The following CSMD1 variants were observed in gnomAD, a reference collection of about 807,000 sequenced individuals.
CSMD1 encodes the protein CUB and sushi domain-containing protein 1.
Under a neutral mutation model 417.5 loss-of-function variants are expected in CSMD1, and 213 were observed. That is an observed-to-expected ratio of 0.51 (90% CI 0.46 to 0.57). The LOEUF is 0.57. CSMD1 is among the 20% of genes least tolerant of loss of function. CSMD1 has a pLI of 0.00. For missense variants in CSMD1, 6,923 were observed against 4,529.7 expected, an observed-to-expected ratio of 1.53 and a Z score of -15.17; for synonymous variants, 2,862 against 1,736.8, an observed-to-expected ratio of 1.65 and a Z score of -16.11.
At chr8:4,071,662 T>C (rs1040711025) in intron 3 of CSMD1, among the ~76,000 whole-genome samples, 3 of 152,158 alleles carry the variant, frequency 2.0e-5, no homozygotes, top group African/African-American at 4.8e-5. Context: ...GAGTGATTAG[T>C]TGTTGTTTCT....
chr8:4,321,879 T>G (rs1563451246), intron 3 of CSMD1, among the ~76,000 whole-genome samples: 2 of 152,182 alleles, frequency 1.3e-5, no homozygotes, highest in African/African-American at 4.8e-5. Context: ...ATAAATAATA[T>G]ATCATCATTG....
chr8:3,883,259 T>C (rs550081092), intron 5 of CSMD1, among the ~76,000 whole-genome samples: 3 of 152,120 alleles, frequency 2.0e-5, no homozygotes, highest in Admixed American at 6.6e-5. Flanking sequence ...ATATTAAATA[T>C]TGAGATAAAG....
At chr8:4,083,248 T>A (rs1337355460) in intron 3 of CSMD1, among the ~76,000 whole-genome samples, 1 of 152,132 alleles carries the variant, frequency 6.6e-6, no homozygotes, top group African/African-American at 2.4e-5. Flanking sequence ...AAAAGTGTTC[T>A]TATTTCTCCA....
At chr8:4,432,402 T>C (rs907087020) in intron 2 of CSMD1, among the ~76,000 whole-genome samples, 3 of 152,156 alleles carry the variant, frequency 2.0e-5, no homozygotes, top group Non-Finnish European at 2.9e-5. Context: ...GCAGGTTTCA[T>C]GTTATGTTGA....
In CSMD1 at chr8:3,399,372, A is replaced by G. The variant is rs1811898639; in HGVS notation, c.2405+19T>C. ...GACACACACCATTGGGTCCAAATGA[A>G]GACTAATTTTTTTCTTACCTGTCAA... On this transcript the variant is annotated intron_variant, in intron 16 of 69. Transcript: ENST00000635120. 6.3e-7 allele frequency: 1 copy of G among 1,585,374 alleles called. No individual in the cohort carries two copies. The highest frequency in any genetic ancestry group is 8.6e-7 in the Non-Finnish European group (1 of 1,165,640).
intron 1 of CSMD1, among the ~76,000 whole-genome samples, chr8:4,680,909 G>GCACA (rs140395393): frequency 3.4e-4 from 50 of 146,790 alleles, no homozygotes; most frequent in Admixed American, 9.6e-4. Flanking sequence ...GATATGATAA[G>GCACA]CACACACACA....
intron 1 of CSMD1, among the ~76,000 whole-genome samples, chr8:4,911,827 T>C (rs987620852): frequency 1.3e-5 from 2 of 152,160 alleles, no homozygotes; most frequent in African/African-American, 2.4e-5. Context: ...AACTTCACGG[T>C]GTTTTCTCAT....
chr8:4,229,426 C>G (rs766137185), intron 3 of CSMD1, among the ~76,000 whole-genome samples: 2 of 152,206 alleles, frequency 1.3e-5, no homozygotes, highest in African/African-American at 4.8e-5. Flanking sequence ...CACAATCACT[C>G]ATTATCTTTT....
chr8:4,353,076 A>G (rs1010887189), intron 3 of CSMD1, among the ~76,000 whole-genome samples: 19 of 152,210 alleles, frequency 1.2e-4, no homozygotes, highest in Admixed American at 1.2e-3. Flanking sequence ...GATATTGTCA[A>G]CTTCACTTAT....
At chr8:4,788,723 A>G in intron 1 of CSMD1, 1 of 461,032 alleles carries the variant, frequency 2.2e-6, no homozygotes, top group Non-Finnish European at 3.9e-6. Flanking sequence ...ATGCTTCTCT[A>G]GATCCATACT....
chr8:4,946,064 C>T (rs1220629592), intron 1 of CSMD1, among the ~76,000 whole-genome samples: 5 of 152,110 alleles, frequency 3.3e-5, no homozygotes, highest in Admixed American at 2.6e-4. Flanking sequence ...TTCAGCATTG[C>T]CGCTGGCAAC....
chr8:3,706,245 A>G (rs1801163083), intron 7 of CSMD1, among the ~76,000 whole-genome samples: 1 of 152,242 alleles, frequency 6.6e-6, no homozygotes, highest in South Asian at 2.1e-4. Context: ...CCCTATGGAA[A>G]GGATTACTAT....
intron 10 of CSMD1, among the ~76,000 whole-genome samples, chr8:3,571,809 T>C (rs1799954849): frequency 6.6e-6 from 1 of 152,160 alleles, no homozygotes; most frequent in South Asian, 2.1e-4. Context: ...GTTTCAGACC[T>C]TATCATCTTT....
chr8:3,553,612 C>G (rs547774520), intron 10 of CSMD1, among the ~76,000 whole-genome samples: 2 of 152,194 alleles, frequency 1.3e-5, no homozygotes, highest in African/African-American at 4.8e-5. Flanking sequence ...TGATGTCCCT[C>G]CCAGCATTGC....
chr8:3,077,752 G>A (rs1240646005), intron 49 of CSMD1, among the ~76,000 whole-genome samples: 1 of 152,232 alleles, frequency 6.6e-6, no homozygotes, highest in African/African-American at 2.4e-5. Context: ...GCCAGGGACT[G>A]ACATTTTCAA....
chr8:4,657,589 T>C (rs1426568389), intron 1 of CSMD1, among the ~76,000 whole-genome samples: 1 of 151,624 alleles, frequency 6.6e-6, no homozygotes, highest in Admixed American at 6.6e-5. Context: ...ACTACAGCAA[T>C]AAAACAATTC....
At chr8:4,510,807 T>A (rs1802782458) in intron 2 of CSMD1, among the ~76,000 whole-genome samples, 1 of 132,418 alleles carries the variant, frequency 7.6e-6, no homozygotes, top group Non-Finnish European at 1.6e-5. Context: ...TCCCTTCCCT[T>A]CCTTCACTCC....
intron 10 of CSMD1, among the ~76,000 whole-genome samples, chr8:3,511,138 C>A (rs1451203236): frequency 6.6e-6 from 1 of 151,710 alleles, no homozygotes; most frequent in South Asian, 2.1e-4. Flanking sequence ...GAACAGAAAA[C>A]CAAACACTGC....
At chr8:4,187,954 T>C (rs2131202293) in intron 3 of CSMD1, among the ~76,000 whole-genome samples, 2 of 152,188 alleles carry the variant, frequency 1.3e-5, no homozygotes, top group South Asian at 4.1e-4. Context: ...AAGTGGTAGA[T>C]ACTACCATGG....
Sources: allele counts gnomAD v4.1 joint callset (sites outside exome capture counted in the v4.1 genomes callset), GRCh38; gene constraint gnomAD v4.1.1; transcripts MANE v1.5; gene names NCBI Gene and HGNC (gene_info 2026-07-23, HGNC 2026-07-21).